Variants in WDFY4 observed in about 807,000 individuals in gnomAD.
WDFY4 encodes the protein WD repeat- and FYVE domain-containing protein 4.
In WDFY4, 169 loss-of-function variants were observed where a neutral mutation model predicts 351.9. That is an observed-to-expected ratio of 0.48 (90% confidence interval 0.42 to 0.55). The LOEUF is 0.55. Ranked by LOEUF, WDFY4 falls within the 20% of genes least tolerant of loss-of-function variation. The probability of loss-of-function intolerance (pLI) is 0.00; values close to 1 mark genes in which losing one functional copy is unlikely to be tolerated. For synonymous variants in WDFY4, 1,622 were observed against 1,574.6 expected (o/e 1.03, Z -0.71); for missense variants, 3,803 against 3,935.6 (o/e 0.97, Z 0.90).
intron 11 of WDFY4, among the ~76,000 whole-genome samples, chr10:48,739,774 G>C (rs1426807009): frequency 6.6e-6 from 1 of 152,144 alleles, no homozygotes; most frequent in African/African-American, 2.4e-5. Flanking sequence ...AGGAGGAAAA[G>C]AAAATAACCA....
chr10:48,891,600 C>A (rs1023414324), intron 44 of WDFY4, among the ~76,000 whole-genome samples: 1 of 152,218 alleles, frequency 6.6e-6, no homozygotes, highest in Non-Finnish European at 1.5e-5. Flanking sequence ...TTAGCCCAGT[C>A]GCTCTCAAAC....
At chr10:48,877,330 C>T (rs989946840) in intron 43 of WDFY4, 131 bp downstream of exon 43, 5 of 878,752 alleles carry the variant, frequency 5.7e-6, no homozygotes, top group Admixed American at 5.9e-5. Flanking sequence ...ACTTTCAACA[C>T]AATAATCAGT....
At chr10:48,943,207 G>A (rs1439222716) in intron 48 of WDFY4, 123 bp from the exon 49 acceptor site, 3 of 1,152,378 alleles carry the variant, frequency 2.6e-6, no homozygotes, top group African/African-American at 3.1e-5. Context: ...AGTAACCGAG[G>A]GGCTGGCTGC....
intron 2 of WDFY4, among the ~76,000 whole-genome samples, chr10:48,714,492 G>A (rs1251149149): frequency 6.6e-6 from 1 of 152,218 alleles, no homozygotes; most frequent in African/African-American, 2.4e-5. Flanking sequence ...ATAGGCTGTT[G>A]TTCTTTTCCT....
Position 48,820,423 on chromosome 10 carries a change from G to A in WDFY4, c.5695G>A (p.Glu1899Lys), listed in dbSNP as rs2067779413. 1 of 1,551,248 alleles carries A rather than the reference G, an allele frequency of 6.4e-7. No homozygotes were observed. The highest frequency in any genetic ancestry group is 1.4e-5 in the African/African-American group (1 of 73,146). ...ASSPKQWLPL[E>K]VLLEASPDHA... ...CAGCCCCAAGCAGTGGCTGCCCCTG[G>A]AGGTGCTCCTGGAGGTGGGTTGGAA... Residue 1899 changes from glutamate (E) to lysine (K), a missense_variant, in exon 33 of 62, where the codon GAG becomes AAG. By Grantham distance (56) the Glu-to-Lys change is moderately conservative (BLOSUM62 1). Around this residue, in one of 3 missense-constraint regions of WDFY4, gnomAD observed 3,054 missense variants for 3,148.6 expected, o/e 0.97. Coordinates refer to ENST00000325239, the MANE Select transcript of WDFY4 (RefSeq NM_001394531.1).
chr10:48,746,409 A>G (rs2065016545), intron 12 of WDFY4, among the ~76,000 whole-genome samples: 1 of 151,818 alleles, frequency 6.6e-6, no homozygotes, highest in Non-Finnish European at 1.5e-5. Flanking sequence ...ATTTTTCTTC[A>G]TCCTTTGGTT....
chr10:48,822,945 T>G (rs1398645867), intron 35 of WDFY4, among the ~76,000 whole-genome samples: 2 of 152,266 alleles, frequency 1.3e-5, no homozygotes, highest in Non-Finnish European at 2.9e-5. Flanking sequence ...ATACTCACTC[T>G]GTTGTATTTG....
intron 38 of WDFY4, among the ~76,000 whole-genome samples, chr10:48,831,207 C>T (rs150087049): frequency 4.2e-4 from 64 of 152,290 alleles, no homozygotes; most frequent in African/African-American, 1.4e-3. Flanking sequence ...TGTTATCCAC[C>T]GACCAGCTTT....
chr10:48,913,689 A>G, intron 47 of WDFY4: 1 of 1,612,994 alleles, frequency 6.2e-7, no homozygotes, highest in Non-Finnish European at 8.5e-7. Context: ...GATGTTGTTC[A>G]GTAGGTTGTC....
At chr10:48,929,870 C>T (rs1441546333) in intron 47 of WDFY4, among the ~76,000 whole-genome samples, 1 of 152,200 alleles carries the variant, frequency 6.6e-6, no homozygotes, top group Non-Finnish European at 1.5e-5. Context: ...ACTCTTCTTC[C>T]ATCCACCCCC....
At chr10:48,835,506 C>CA (rs147849942) in intron 39 of WDFY4, among the ~76,000 whole-genome samples, 2,088 of 152,288 alleles carry the variant, frequency 0.014, 53 homozygotes, top group African/African-American at 0.047. Flanking sequence ...GCAGCCACCC[C>CA]AGCTTCCAGG....
intron 19 of WDFY4, among the ~76,000 whole-genome samples, chr10:48,783,002 A>G (rs2066278397): frequency 6.6e-6 from 1 of 152,212 alleles, no homozygotes; most frequent in Non-Finnish European, 1.5e-5. Flanking sequence ...AGAGCACAGA[A>G]AATCATACTC....
intron 2 of WDFY4, among the ~76,000 whole-genome samples, chr10:48,715,540 G>T (rs539595395): frequency 8.9e-4 from 136 of 152,332 alleles, no homozygotes; most frequent in Middle Eastern, 3.4e-3. Context: ...GATCATTCTT[G>T]TAAAAACCAA....
Position 48,723,518 on chromosome 10 carries a change from A to G in WDFY4, c.542A>G (p.Lys181Arg). The change falls in exon 5 of 62, where the codon AAA becomes AGA. Residue 181 changes from lysine to arginine, a missense_variant. Around this residue, in one of 3 missense-constraint regions of WDFY4, gnomAD observed 488 missense variants for 456.8 expected, o/e 1.07. Transcript: ENST00000325239. ...LYLFFVFPLD[K>R]DELLESDLQV... Reference sequence around the variant, plus strand: ...CTCTTCTTTGTCTTTCCTCTGGACAAAGATGAGCTTCTTGAGAGTGATCTT... The same window carrying G: ...CTCTTCTTTGTCTTTCCTCTGGACAGAGATGAGCTTCTTGAGAGTGATCTT... The G allele has an allele frequency of 6.4e-7, 1 of 1,551,822 alleles. No individual in the cohort carries two copies. The highest frequency in any genetic ancestry group is 8.7e-7 in the Non-Finnish European group (1 of 1,147,052).
chr10:48,819,386 C>G (rs533048924), intron 32 of WDFY4, among the ~76,000 whole-genome samples: 7 of 152,198 alleles, frequency 4.6e-5, no homozygotes, highest in Non-Finnish European at 1.0e-4. Flanking sequence ...CAAGGCCGCA[C>G]GGAGCTAATT....
intron 21 of WDFY4, among the ~76,000 whole-genome samples, 174 bp downstream of exon 21, chr10:48,788,849 G>A (rs2066583805): frequency 6.6e-6 from 1 of 152,196 alleles, no homozygotes; most frequent in African/African-American, 2.4e-5. Flanking sequence ...ACCCACTGGT[G>A]TCCTCCCAGA....
intron 2 of WDFY4, among the ~76,000 whole-genome samples, chr10:48,719,312 T>C (rs1191482508): frequency 1.3e-5 from 2 of 152,194 alleles, no homozygotes; most frequent in Non-Finnish European, 2.9e-5. Flanking sequence ...TTATCCACCC[T>C]AGGAATCAAA....
chr10:48,829,992 G>C (rs2068133363), intron 37 of WDFY4, among the ~76,000 whole-genome samples: 1 of 152,214 alleles, frequency 6.6e-6, no homozygotes, highest in Non-Finnish European at 1.5e-5. Context: ...TTGGCCAGTA[G>C]AGCTGGGCTG....
intron 19 of WDFY4, among the ~76,000 whole-genome samples, chr10:48,782,167 C>A (rs1047020324): frequency 5.3e-5 from 8 of 152,180 alleles, no homozygotes; most frequent in African/African-American, 1.7e-4. Context: ...AAGCAGAAGT[C>A]CCTCACATTA....
Sources: gnomAD v4.1 joint callset for allele counts (sites outside exome capture counted in the v4.1 genomes callset) on GRCh38, gnomAD v4.1.1 for gene constraint, gnomAD v4.1.1 regional missense constraint, MANE v1.5 for transcripts, NCBI Gene and HGNC (gene_info 2026-07-23, HGNC 2026-07-21) for gene names.